RALGAPA2: variants seen among roughly 807,000 people sequenced by gnomAD.
The protein encoded by RALGAPA2 is ral GTPase-activating protein subunit alpha-2.
A neutral mutation model predicts 230.4 loss-of-function variants in RALGAPA2; 139 were observed. The ratio of observed to expected loss-of-function variants is 0.60; its 90% CI spans 0.53 to 0.69. The LOEUF (loss-of-function observed/expected upper bound fraction) is 0.69, where lower values mean the gene tolerates loss of function less well. Among genes scored for constraint, RALGAPA2 ranks in the 30% least tolerant of loss-of-function variants. The pLI is 0.00. For missense variants in RALGAPA2, 2,163 were observed against 2,276.0 expected, an observed-to-expected ratio of 0.95 and a Z score of 1.01; for synonymous variants, 847 against 837.8, an observed-to-expected ratio of 1.01 and a Z score of -0.19.
intron 36 of RALGAPA2, among the ~76,000 whole-genome samples, chr20:20,490,364 CAATAAT>C (rs1324190872): frequency 6.6e-6 from 1 of 152,142 alleles, no homozygotes; most frequent in Non-Finnish European, 1.5e-5. Flanking sequence ...ATGCTAATAA[CAATAAT>C]AATAAATTAT....
chr20:20,584,783 A>G (rs2065083665), intron 19 of RALGAPA2, 82 bp downstream of exon 19: 2 of 970,286 alleles, frequency 2.1e-6, no homozygotes, highest in Non-Finnish European at 3.0e-6. Flanking sequence ...TGAGTCTCTA[A>G]TAATAATAAT....
intron 12 of RALGAPA2, 137 bp downstream of exon 12, chr20:20,619,140 T>C: frequency 1.1e-6 from 1 of 943,130 alleles, no homozygotes; most frequent in Middle Eastern, 3.7e-4. Context: ...GCTAATTAAA[T>C]TGCTGTTTAT....
Position 20,629,605 on chromosome 20 carries a change from G to A in RALGAPA2, c.1006-15C>T. On this transcript the variant is annotated splice_polypyrimidine_tract_variant and intron_variant, in intron 9 of 39. Coordinates refer to ENST00000202677, the MANE Select transcript of RALGAPA2 (RefSeq NM_020343.4). Reference sequence around the variant, plus strand: ...CCACCAACAGTCTGGAAGAAAGTCAGCACACTTCTCAATGATGCTCACCCC... The same window carrying A: ...CCACCAACAGTCTGGAAGAAAGTCAACACACTTCTCAATGATGCTCACCCC... 2 of 1,611,510 alleles carry A rather than the reference G, an allele frequency of 1.2e-6. No individual in the cohort carries two copies. Among genetic ancestry groups the A allele is most frequent in the Non-Finnish European group, 1.7e-6 (2 of 1,178,932 alleles).
chr20:20,416,848 C>T (rs1445649331), intron 37 of RALGAPA2, among the ~76,000 whole-genome samples: 1 of 152,172 alleles, frequency 6.6e-6, no homozygotes, highest in Non-Finnish European at 1.5e-5. Context: ...CTTGCCTGAA[C>T]CTTCTCTAAA....
intron 35 of RALGAPA2, among the ~76,000 whole-genome samples, chr20:20,496,011 A>C (rs1429245127): frequency 6.6e-6 from 1 of 152,164 alleles, no homozygotes; most frequent in Admixed American, 6.5e-5. Context: ...CTACCCGAGG[A>C]TGCATGAGTA....
intron 35 of RALGAPA2, among the ~76,000 whole-genome samples, chr20:20,499,398 A>C (rs543903825): frequency 3.3e-5 from 5 of 152,312 alleles, no homozygotes; most frequent in Admixed American, 1.3e-4. Flanking sequence ...TTATCTTTTA[A>C]CAAAATAATT....
At chr20:20,447,807 C>T (rs2060898054) in intron 37 of RALGAPA2, among the ~76,000 whole-genome samples, 1 of 152,136 alleles carries the variant, frequency 6.6e-6, no homozygotes, top group Non-Finnish European at 1.5e-5. Flanking sequence ...CTCTTGCCTA[C>T]TGGACTGAGC....
intron 37 of RALGAPA2, among the ~76,000 whole-genome samples, chr20:20,467,124 T>C (rs2061436482): frequency 6.6e-6 from 1 of 152,218 alleles, no homozygotes; most frequent in Non-Finnish European, 1.5e-5. Context: ...TGCCCATGAA[T>C]TAATGTATTT....
chr20:20,492,050 A>G (rs1176808877), intron 36 of RALGAPA2, among the ~76,000 whole-genome samples: 1 of 152,194 alleles, frequency 6.6e-6, no homozygotes, highest in African/African-American at 2.4e-5. Context: ...GAAATATGTT[A>G]AATTTCAAAG....
intron 23 of RALGAPA2, among the ~76,000 whole-genome samples, chr20:20,548,907 T>C (rs777785933): frequency 3.3e-5 from 5 of 152,206 alleles, no homozygotes; most frequent in African/African-American, 4.8e-5. Flanking sequence ...TTGACATATG[T>C]TGCAATGAAA....
intron 23 of RALGAPA2, among the ~76,000 whole-genome samples, chr20:20,568,787 G>T (rs1412582093): frequency 1.3e-5 from 2 of 152,118 alleles, no homozygotes; most frequent in Non-Finnish European, 2.9e-5. Flanking sequence ...GCAGACAAGT[G>T]TGCCACCCAG....
intron 1 of RALGAPA2, among the ~76,000 whole-genome samples, chr20:20,704,830 C>T (rs1286132626): frequency 6.6e-6 from 1 of 152,244 alleles, no homozygotes; most frequent in Non-Finnish European, 1.5e-5. Context: ...CCATTGTGCA[C>T]TTAACTCCAT....
At chr20:20,507,762 G>GCCATTCT (rs2062576219) in intron 33 of RALGAPA2, among the ~76,000 whole-genome samples, 1 of 152,184 alleles carries the variant, frequency 6.6e-6, no homozygotes, top group Non-Finnish European at 1.5e-5. Context: ...ACAGGCAGGG[G>GCCATTCT]ACACCAATGG....
chr20:20,569,557 T>C (rs925744173), intron 23 of RALGAPA2, among the ~76,000 whole-genome samples: 23 of 152,270 alleles, frequency 1.5e-4, no homozygotes, highest in Admixed American at 1.5e-3. Context: ...AAACATAACA[T>C]GCATTAAGAT....
intron 1 of RALGAPA2, among the ~76,000 whole-genome samples, chr20:20,709,164 CA>C (rs2069736737): frequency 6.6e-6 from 1 of 151,340 alleles, no homozygotes; most frequent in Non-Finnish European, 1.5e-5. Context: ...ACTAAAAATA[CA>C]AAAATTAGCC....
At chr20:20,592,363 G>C (rs1237579661) in intron 16 of RALGAPA2, among the ~76,000 whole-genome samples, 1 of 152,080 alleles carries the variant, frequency 6.6e-6, no homozygotes, top group Non-Finnish European at 1.5e-5. Context: ...GTCTCCAGTA[G>C]TACTAACCCA....
chr20:20,601,661 A>C, intron 16 of RALGAPA2, 21 bp downstream of exon 16: 3 of 1,596,740 alleles, frequency 1.9e-6, no homozygotes, highest in Non-Finnish European at 2.6e-6. Context: ...ATTTTTGAGA[A>C]GCATTTAAAT....
At chr20:20,643,073 A>G (rs1292231868) in intron 5 of RALGAPA2, among the ~76,000 whole-genome samples, 4 of 152,342 alleles carry the variant, frequency 2.6e-5, no homozygotes, top group Non-Finnish European at 5.9e-5. Flanking sequence ...TTCTCCCACA[A>G]TGGCTCTCAC....
intron 37 of RALGAPA2, chr20:20,472,150 C>A (rs1474782847): frequency 6.6e-6 from 1 of 151,972 alleles, no homozygotes; most frequent in Non-Finnish European, 1.5e-5. Flanking sequence ...CTACAGCAGG[C>A]CAATTAATGT....
Sources: allele counts gnomAD v4.1 joint callset (sites outside exome capture counted in the v4.1 genomes callset), GRCh38; gene constraint gnomAD v4.1.1; transcripts MANE v1.5; gene names NCBI Gene and HGNC (gene_info 2026-07-23, HGNC 2026-07-21).